Variants in KIF6 observed in about 807,000 individuals in gnomAD.
The protein encoded by KIF6 is kinesin family member 6.
KIF6 carries 106 observed loss-of-function variants against 112.7 expected under a neutral mutation model. The observed-to-expected ratio is 0.94, with a 90% CI of 0.80 to 1.11. The LOEUF is 1.11. KIF6 is among the 50% of genes least tolerant of loss of function. The pLI is 0.00. For missense variants in KIF6, 929 were observed against 964.0 expected (o/e 0.96, Z 0.48); for synonymous variants, 339 against 339.9 (o/e 1.00, Z 0.03).
rs535712326 is a variant in KIF6 at position 39,527,507 on chromosome 6, T to TA, written c.1645+12495dup. ...GCCCCTTCTGCTTTGGTGGTTCTCTTACAACCAAATGGAAAAAAAAAATCC... is the reference window on the plus strand; with the variant it reads ...GCCCCTTCTGCTTTGGTGGTTCTCTTAACAACCAAATGGAAAAAAAAAATCC... On this transcript the variant is annotated intron_variant, in intron 13 of 22. Transcript: ENST00000287152. 1.1e-3 allele frequency among the ~76,000 whole-genome samples: 167 copies of TA among 152,136 alleles called. 2 individuals carry two copies. Among genetic ancestry groups the TA allele is most frequent in the African/African-American group, 3.8e-3 (156 of 41,496 alleles).
In KIF6 at chr6:39,362,646, C is replaced by A. The variant is rs953091365; in HGVS notation, c.1862-128G>T. ...GAGCCTCTGTGAGTTCCTTCTGGGG[C>A]CTCTTGGTGGCAACCTCTGCTCAGC... On this transcript the variant is annotated intron_variant, in intron 16 of 22. Coordinates refer to ENST00000287152, the MANE Select transcript of KIF6 (RefSeq NM_145027.6). The A allele has an allele frequency of 6.9e-6, 5 of 724,324 alleles. No homozygotes were observed. The African/African-American group carries it at 8.7e-5, about 13-fold the overall frequency. 44.9% of individuals were successfully genotyped at this position (724,324 alleles called of 1,614,324 possible).
At chr6:39,571,648 C>A (rs1213759513) in intron 10 of KIF6, among the ~76,000 whole-genome samples, 1 of 152,116 alleles carries the variant, frequency 6.6e-6, no homozygotes, top group African/African-American at 2.4e-5. Flanking sequence ...ACTCTCAGAC[C>A]ACAATTCATT....
At position 39,336,413 on chromosome 6, in the gene KIF6, C is replaced by T. The variant is rs888916552; in HGVS notation, c.*119G>A. ...CAGTCCCCTCCATGGGAATCAAAGT[C>T]ACTAGTTGCTCCCAGCAGCCCATAG... On this transcript the variant is annotated 3_prime_UTR_variant, in exon 23 of 23. Coordinates refer to ENST00000287152, the MANE Select transcript of KIF6 (RefSeq NM_145027.6). The T allele has an allele frequency of 1.1e-6, 1 of 946,842 alleles. No homozygotes were observed. 58.7% of individuals were successfully genotyped at this position (946,842 alleles called of 1,614,324 possible). A position where few individuals can be genotyped will look rare whatever the true frequency, so the allele number is the denominator to read the frequency against.
chr6:39,448,742 G>A (rs766211049), intron 13 of KIF6, among the ~76,000 whole-genome samples: 3 of 152,132 alleles, frequency 2.0e-5, no homozygotes, highest in Non-Finnish European at 4.4e-5. Context: ...ATGGCTTTAC[G>A]ATGTATTACA....
intron 13 of KIF6, among the ~76,000 whole-genome samples, chr6:39,527,815 T>C (rs1160084566): frequency 6.6e-6 from 1 of 152,226 alleles, no homozygotes; most frequent in Non-Finnish European, 1.5e-5. Flanking sequence ...GCTCATATTA[T>C]TCTTTTTTTA....
At chr6:39,579,539 C>T (rs554696310) in intron 9 of KIF6, among the ~76,000 whole-genome samples, 2 of 152,158 alleles carry the variant, frequency 1.3e-5, no homozygotes, top group Admixed American at 6.5e-5. Context: ...TTTCACTTTG[C>T]AGTGTTCTTT....
At position 39,586,324 on chromosome 6, in the gene KIF6, ACTGT is replaced by A. The variant is rs765946092; in HGVS notation, c.923_926del (p.Asp308ValfsTer7). 1 of 1,613,992 alleles carries A rather than the reference ACTGT, an allele frequency of 6.2e-7. No homozygotes were observed. The highest frequency in any genetic ancestry group is 8.5e-7 in the Non-Finnish European group (1 of 1,179,886). ...TAGTTGTCATGCAGTTCCCTCCCAA[ACTGT>A]CTCTTAGGACACTGGTCATCATGGA... is the stretch of plus-strand genomic sequence containing the variant. On this transcript the variant is annotated frameshift_variant, in exon 8 of 23. Transcript: ENST00000287152. LOFTEE classifies it high-confidence loss of function.
chr6:39,357,349 A>T lies in KIF6; in HGVS notation c.2108T>A (p.Leu703His), dbSNP rs764141442. The T allele has an allele frequency of 6.2e-7, 1 of 1,613,378 alleles. No homozygotes were observed. The highest frequency in any genetic ancestry group is 2.2e-5 in the East Asian group (1 of 44,858). ...LQVNSPAVNS[L>H]DHTKPFLQTS... ...CTGGAGAAATGGCTTCGTGTGATCG[A>T]GTGAATTCACTGCTGGAGAATTTAC... The change falls in exon 19 of 23, where the codon CTC becomes CAC. Residue 703 changes from leucine to histidine, a missense_variant. By Grantham distance (99) the Leu-to-His change is moderately conservative. This residue lies in a region of KIF6 where 241 missense variants were observed against 301.4 expected (regional missense o/e 0.80). Transcript: ENST00000287152.
chr6:39,355,548 C>T (rs1361214038), intron 19 of KIF6, among the ~76,000 whole-genome samples: 1 of 150,470 alleles, frequency 6.6e-6, no homozygotes, highest in African/African-American at 2.5e-5. Context: ...ACTGCAACCT[C>T]CACCTCTTGG....
intron 7 of KIF6, among the ~76,000 whole-genome samples, chr6:39,588,610 C>T (rs1310431923): frequency 1.3e-5 from 2 of 152,152 alleles, no homozygotes; most frequent in African/African-American, 2.4e-5. Context: ...CTTGGCAACT[C>T]TACATCTCCA....
intron 13 of KIF6, among the ~76,000 whole-genome samples, chr6:39,456,626 A>G (rs1328778308): frequency 4.1e-5 from 5 of 123,296 alleles, no homozygotes. Context: ...CAGGAAACCC[A>G]TCTCACGTGC....
chr6:39,568,626 C>T (rs1279022383), intron 10 of KIF6, among the ~76,000 whole-genome samples: 1 of 151,982 alleles, frequency 6.6e-6, no homozygotes, highest in African/African-American at 2.4e-5. Context: ...CCTGGACTCA[C>T]TGCAACCTCT....
At chr6:39,628,352 T>C (rs1181495043) in intron 5 of KIF6, among the ~76,000 whole-genome samples, 2 of 152,086 alleles carry the variant, frequency 1.3e-5, no homozygotes, top group East Asian at 1.9e-4. Flanking sequence ...TTTAATTATA[T>C]GCAATTTCCC....
intron 1 of KIF6, among the ~76,000 whole-genome samples, chr6:39,723,055 T>C (rs1399938756): frequency 1.3e-5 from 2 of 152,234 alleles, no homozygotes; most frequent in Non-Finnish European, 2.9e-5. Context: ...TGAGCCCATG[T>C]AGATAAGCTC....
At position 39,342,814 on chromosome 6, in the gene KIF6, GGCGCTCCATCCAT is replaced by G. The variant is rs1158746601; in HGVS notation, c.2428+882_2428+894del. ...AGGACCAAGGCCGGCTCTCAGTTGCGGCGCTCCATCCATGCACAAACCTCTTCCTGCCCAAACT... is the reference window on the plus strand; with the variant it reads ...AGGACCAAGGCCGGCTCTCAGTTGCGGCACAAACCTCTTCCTGCCCAAACT... On this transcript the variant is annotated intron_variant, in intron 22 of 22. Transcript: ENST00000287152. The surrounding 1 kb of genome is among the most constrained non-coding windows in gnomAD (Gnocchi z 4.7). 1 of 985,180 alleles carries G rather than the reference GGCGCTCCATCCAT, an allele frequency of 1.0e-6. No homozygotes were observed. The highest frequency in any genetic ancestry group is 1.7e-5 in the African/African-American group (1 of 57,160). The allele number at this position is 985,180 out of a possible 1,614,324, so 61.0% of individuals were successfully genotyped here.
intron 5 of KIF6, among the ~76,000 whole-genome samples, chr6:39,630,112 T>C (rs981542009): frequency 6.6e-6 from 1 of 152,064 alleles, no homozygotes; most frequent in East Asian, 1.9e-4. Context: ...TGAAGTTGGG[T>C]GATGTCAGTC....
intron 3 of KIF6, among the ~76,000 whole-genome samples, chr6:39,709,233 G>A (rs879552100): frequency 2.6e-5 from 4 of 152,076 alleles, no homozygotes; most frequent in East Asian, 1.9e-4. Flanking sequence ...TTTGGTCCCT[G>A]CCATTTTTGG....
At chr6:39,405,107 A>G (rs995226521) in intron 15 of KIF6, among the ~76,000 whole-genome samples, 2 of 152,068 alleles carry the variant, frequency 1.3e-5, no homozygotes, top group African/African-American at 4.8e-5. Context: ...TGTTTATAGG[A>G]GCTTTTCTGT....
chr6:39,431,395 C>T (rs1158963613), intron 13 of KIF6: 7 of 383,356 alleles, frequency 1.8e-5, no homozygotes, highest in South Asian at 7.5e-5. Context: ...CCATGTGACT[C>T]GTGGGGGGCG....
Sources: gnomAD v4.1 joint callset for allele counts (sites outside exome capture counted in the v4.1 genomes callset) on GRCh38, gnomAD v4.1.1 for gene constraint, gnomAD v4.1.1 regional missense constraint, Gnocchi (gnomAD v3.1) non-coding constraint, MANE v1.5 for transcripts, NCBI Gene and HGNC (gene_info 2026-07-23, HGNC 2026-07-21) for gene names.